Variants in SDK2 observed in about 807,000 individuals in gnomAD.
SDK2 encodes protein sidekick-2.
In SDK2, 105 loss-of-function variants were observed where a neutral mutation model predicts 253.9. The ratio of observed to expected loss-of-function variants is 0.41; its 90% CI spans 0.35 to 0.49. The LOEUF (loss-of-function observed/expected upper bound fraction) is 0.49. SDK2 is among the 20% of genes least tolerant of loss of function. The pLI is 0.06. For synonymous variants in SDK2, 1,249 were observed against 1,234.9 expected, an observed-to-expected ratio of 1.01 and a Z score of -0.24; for missense variants, 2,608 against 3,003.0, an observed-to-expected ratio of 0.87 and a Z score of 3.07.
intron 33 of SDK2, among the ~76,000 whole-genome samples, chr17:73,382,750 C>T (rs1234185462): frequency 6.6e-6 from 1 of 152,188 alleles, no homozygotes; most frequent in African/African-American, 2.4e-5. Flanking sequence ...GCCTGTAATC[C>T]CAGCACTCTG....
chr17:73,609,025 C>T lies in SDK2; in HGVS notation c.64+35000G>A, dbSNP rs974821850. 1.3e-5 allele frequency among the ~76,000 whole-genome samples: 2 copies of T among 152,162 alleles called. No individual in the cohort carries two copies. The highest frequency in any genetic ancestry group is 2.9e-5 in the Non-Finnish European group (2 of 68,036). ...AGATGTGGGGTGTAAGAGAAAGAGT[C>T]AAGGGTTAGCCTTGAGGTTTGGGCT... On this transcript the variant is annotated intron_variant, in intron 1 of 44. Transcript: ENST00000392650. This position sits in a 1 kb window ranked among gnomAD's most constrained non-coding sequence, Gnocchi z 4.4.
chr17:73,576,488 G>A (rs964527950), intron 1 of SDK2, among the ~76,000 whole-genome samples: 1 of 152,176 alleles, frequency 6.6e-6, no homozygotes, highest in African/African-American at 2.4e-5. Flanking sequence ...GAGAGGAAAG[G>A]GCTTTGAGGG....
intron 5 of SDK2, among the ~76,000 whole-genome samples, chr17:73,444,545 G>A (rs569065089): frequency 1.3e-4 from 20 of 152,332 alleles, no homozygotes; most frequent in South Asian, 2.1e-4. Flanking sequence ...GACGCTTTGC[G>A]TAACAGCCAG....
chr17:73,373,128 C>T (rs554379572), intron 36 of SDK2, among the ~76,000 whole-genome samples: 48 of 152,204 alleles, frequency 3.2e-4, no homozygotes, highest in Non-Finnish European at 5.1e-4. Context: ...CAGTATTTGT[C>T]TTTCTGTGCT....
At chr17:73,535,808 G>A (rs1477312340) in intron 1 of SDK2, among the ~76,000 whole-genome samples, 1 of 152,132 alleles carries the variant, frequency 6.6e-6, no homozygotes, top group Non-Finnish European at 1.5e-5. Context: ...AGGAACCTGG[G>A]TGAGGTCAGT....
At position 73,361,736 on chromosome 17, in the gene SDK2, G is replaced by A; in HGVS notation, c.5415C>T (p.Thr1805=). The A allele has an allele frequency of 6.2e-7, 1 of 1,613,310 alleles. No individual in the cohort carries two copies. The highest frequency in any genetic ancestry group is 8.5e-7 in the Non-Finnish European group (1 of 1,179,320). Residue 1805 remains threonine (T), a synonymous_variant, in exon 39 of 45, where the codon ACC becomes ACT. Transcript: ENST00000392650. This position sits in a 1 kb window ranked among gnomAD's most constrained non-coding sequence, Gnocchi z 4.1. ...VTYRFRIRAK[T]FTYGPEIEAN... is the part of the protein sequence containing the mutation. ...CTTCGATCTCCGGCCCGTAGGTGAA[G>A]GTCTTGGCTCTGATGCGGAACCTGT...
At chr17:73,631,202 C>T (rs113610092) in intron 1 of SDK2, among the ~76,000 whole-genome samples, 7 of 152,310 alleles carry the variant, frequency 4.6e-5, no homozygotes, top group African/African-American at 1.7e-4. Flanking sequence ...GAGCTTGGAG[C>T]CCAGCTAATG....
Position 73,598,165 on chromosome 17 carries a change from C to T in SDK2, c.64+45860G>A, listed in dbSNP as rs530274994. Among the ~76,000 whole-genome samples the T allele has an allele frequency of 1.9e-4, 29 of 152,294 alleles. No homozygotes were observed. In the South Asian group the frequency reaches 5.8e-3, roughly 30 times the overall value. On this transcript the variant is annotated intron_variant, in intron 1 of 44. Coordinates refer to ENST00000392650, the MANE Select transcript of SDK2 (RefSeq NM_001144952.2). ...GCCCCAACCCCAGTTAACAGCCACC[C>T]TCCCACCATTCACCACTGCCATGAC...
At chr17:73,513,274 G>T (rs140529503) in intron 1 of SDK2, among the ~76,000 whole-genome samples, 103 of 152,276 alleles carry the variant, frequency 6.8e-4, no homozygotes, top group African/African-American at 2.3e-3. Context: ...GTAAGAAAAA[G>T]ATTAACAAAC....
chr17:73,343,439 G>A (rs943583395), intron 44 of SDK2, among the ~76,000 whole-genome samples: 34 of 152,258 alleles, frequency 2.2e-4, no homozygotes, highest in Non-Finnish European at 8.8e-5. Flanking sequence ...AGAAGAAAGC[G>A]AGGGGGAGAC....
intron 36 of SDK2, among the ~76,000 whole-genome samples, chr17:73,375,919 G>A (rs1302536919): frequency 6.6e-6 from 1 of 151,336 alleles, no homozygotes; most frequent in Non-Finnish European, 1.5e-5. Context: ...TTTCAGGCTG[G>A]ATGCGCTGGC....
At chr17:73,579,364 T>G (rs1278582307) in intron 1 of SDK2, among the ~76,000 whole-genome samples, 1 of 152,154 alleles carries the variant, frequency 6.6e-6, no homozygotes, top group African/African-American at 2.4e-5. Flanking sequence ...GGGCACTGCT[T>G]TCCAGAATCT....
intron 24 of SDK2, among the ~76,000 whole-genome samples, chr17:73,397,624 G>T (rs2062982425): frequency 6.6e-6 from 1 of 152,188 alleles, no homozygotes; most frequent in Non-Finnish European, 1.5e-5. Flanking sequence ...ACACAGCCCG[G>T]ATCTGGGGAC....
chr17:73,339,224 TTTTTGTTTTTG>T (rs1392997435), intron 44 of SDK2, among the ~76,000 whole-genome samples: 14 of 133,498 alleles, frequency 1.0e-4, no homozygotes, highest in African/African-American at 3.4e-4. Context: ...TTTTTTTTTG[TTTTTGTTTTTG>T]TTTTTTTTTT....
At chr17:73,364,144 C>T (rs551577602) in intron 38 of SDK2, among the ~76,000 whole-genome samples, 14 of 152,250 alleles carry the variant, frequency 9.2e-5, no homozygotes, top group African/African-American at 1.7e-4. Flanking sequence ...CAGTGAGGAA[C>T]GCAGTTTCCT....
chr17:73,622,917 G>A (rs2046151375), intron 1 of SDK2, among the ~76,000 whole-genome samples: 1 of 152,220 alleles, frequency 6.6e-6, no homozygotes, highest in African/African-American at 2.4e-5. Flanking sequence ...AGAGGTAGCG[G>A]GGGCCCAGCC....
rs7225634 is a variant in SDK2, at chr17:73,442,908, T to C, written c.614-1985A>G. On this transcript the variant is annotated intron_variant, in intron 5 of 44. Transcript: ENST00000392650. ...TTTTTTATATTTTGAGTTTTTTTTT[T>C]TAAAGTAGAGGCCAGATTTTCATCT... is the stretch of plus-strand genomic sequence containing the variant. Among the ~76,000 whole-genome samples, 1,296 of 152,086 alleles carry C rather than the reference T, an allele frequency of 8.5e-3. 22 individuals are homozygous for C. Among genetic ancestry groups the C allele is most frequent in the African/African-American group, 0.03 (1,231 of 41,522 alleles).
chr17:73,424,836 C>T (rs1312344431), intron 12 of SDK2, among the ~76,000 whole-genome samples: 1 of 152,130 alleles, frequency 6.6e-6, no homozygotes, highest in Non-Finnish European at 1.5e-5. Flanking sequence ...AGGGTGGGGG[C>T]CTGAGCTGCT....
rs766565174 is a variant in SDK2, at chr17:73,399,187, C to T, written c.3074G>A (p.Arg1025His). ...PGYDGKTSISRWLVEAQVGVV... is the reference protein window; with the variant it reads ...PGYDGKTSISHWLVEAQVGVV... The stretch of plus-strand genomic sequence containing the variant: ...CCCTACCTGGGCTTCCACCAGCCAG[C>T]GGGAGATGGAGGTTTTCCCATCGTA... The change falls in exon 22 of 45, where the codon CGC (arginine) becomes CAC (histidine). Residue 1025 changes from arginine (R) to histidine (H), a missense_variant. By Grantham distance (29) the Arg-to-His change is conservative. Transcript: ENST00000392650. 86 of 1,613,588 alleles carry T rather than the reference C, an allele frequency of 5.3e-5. No homozygotes were observed. The highest frequency in any genetic ancestry group is 1.8e-4 in the Admixed American group (11 of 59,996).
Sources: allele counts gnomAD v4.1 joint callset (sites outside exome capture counted in the v4.1 genomes callset), GRCh38; gene constraint gnomAD v4.1.1; non-coding constraint Gnocchi (gnomAD v3.1); transcripts MANE v1.5; gene names NCBI Gene and HGNC (gene_info 2026-07-23, HGNC 2026-07-21).